Variants in GARRE1 observed in about 807,000 individuals in gnomAD.
GARRE1 encodes the protein granule associated Rac and RHOG effector protein 1.
Under a neutral mutation model 103.2 loss-of-function variants are expected in GARRE1, and 49 were observed. That is an observed-to-expected ratio of 0.47 (90% CI 0.38 to 0.60). The LOEUF is 0.60. Ranked by LOEUF, GARRE1 falls within the 20% of genes least tolerant of loss-of-function variation. The probability of loss-of-function intolerance (pLI) is 0.00; values close to 1 mark genes in which losing one functional copy is unlikely to be tolerated. For synonymous variants in GARRE1, 505 were observed against 532.8 expected, an observed-to-expected ratio of 0.95 and a Z score of 0.72; for missense variants, 1,199 against 1,370.5, an observed-to-expected ratio of 0.87 and a Z score of 1.98.
chr19:34,323,911 C>T (rs1276840123), intron 3 of GARRE1, among the ~76,000 whole-genome samples: 2 of 152,186 alleles, frequency 1.3e-5, no homozygotes, highest in Admixed American at 6.5e-5. Flanking sequence ...CCAGTGATGC[C>T]ACCCCCTACT....
rs2074015920 is a variant in GARRE1 at position 34,307,734 on chromosome 19, AC to A, written c.495+6767del. Reference sequence around the variant, plus strand: ...ATATATATACTATATATACATATATACTTATATATACTATATATACATATAT... The same window carrying A: ...ATATATATACTATATATACATATATATTATATATACTATATATACATATAT... On this transcript the variant is annotated intron_variant, in intron 2 of 13. Transcript: ENST00000299505. Among the ~76,000 whole-genome samples, 28 of 134,118 alleles carry A rather than the reference AC, an allele frequency of 2.1e-4. No individual in the cohort carries two copies. In the Admixed American group the frequency reaches 2.1e-3, roughly 10 times the overall value. The allele number at this position is 134,118 out of a possible 152,430, so 88.0% of individuals were successfully genotyped here.
At chr19:34,311,754 G>A (rs1394881745) in intron 2 of GARRE1, among the ~76,000 whole-genome samples, 1 of 152,084 alleles carries the variant, frequency 6.6e-6, no homozygotes, top group Admixed American at 6.5e-5. Context: ...GGGATTACAG[G>A]CGTGTGCCAC....
In GARRE1 at chr19:34,300,749, T is replaced by C; in HGVS notation, c.276T>C (p.Arg92=). 1 of 1,614,248 alleles carries C rather than the reference T, an allele frequency of 6.2e-7. No homozygotes were observed. Residue 92 remains arginine (R), a synonymous_variant, in exon 2 of 14, where the codon CGT becomes CGC. Transcript: ENST00000299505. ...TGGATGCCCTGAACGTCTTCTGCCG[T>C]GCCAGTACTTTCCTCACAGATCTCT... The part of the protein sequence containing the change: ...KYLDALNVFC[R]ASTFLTDLFS...
At chr19:34,286,837 A>T (rs2073889964) in intron 1 of GARRE1, among the ~76,000 whole-genome samples, 1 of 152,116 alleles carries the variant, frequency 6.6e-6, no homozygotes, top group South Asian at 2.1e-4. Context: ...TATTGGTGAG[A>T]ATCCCTGAGT....
intron 10 of GARRE1, among the ~76,000 whole-genome samples, chr19:34,344,337 T>C (rs1478327728): frequency 6.6e-6 from 1 of 152,060 alleles, no homozygotes; most frequent in Non-Finnish European, 1.5e-5. Context: ...ACGCCTGTAA[T>C]CCCAGCACTT....
intron 8 of GARRE1, among the ~76,000 whole-genome samples, chr19:34,338,646 C>T (rs912363736): frequency 1.3e-5 from 2 of 152,088 alleles, no homozygotes; most frequent in African/African-American, 4.8e-5. Flanking sequence ...GAAATTCGGG[C>T]AAAGGCAGCA....
At chr19:34,350,513 C>T (rs773993574) in intron 12 of GARRE1, among the ~76,000 whole-genome samples, 3 of 152,198 alleles carry the variant, frequency 2.0e-5, no homozygotes, top group East Asian at 1.9e-4. Flanking sequence ...TTGTAACAGA[C>T]TTTCATGTGA....
chr19:34,264,908 C>T (rs767242041), intron 1 of GARRE1, among the ~76,000 whole-genome samples: 6 of 152,098 alleles, frequency 3.9e-5, no homozygotes, highest in Non-Finnish European at 7.4e-5. Flanking sequence ...GTTCTTGACG[C>T]AGGCCTCTAC....
intron 2 of GARRE1, among the ~76,000 whole-genome samples, chr19:34,309,681 T>C (rs1417464503): frequency 6.6e-6 from 1 of 152,158 alleles, no homozygotes; most frequent in African/African-American, 2.4e-5. Context: ...GGGCTTGTTA[T>C]GTTCTGCTTT....
Position 34,327,491 on chromosome 19 carries a change from G to A in GARRE1, c.776G>A (p.Cys259Tyr). Residue 259 changes from cysteine (C) to tyrosine (Y), a missense_variant, in exon 4 of 14, where the codon TGT becomes TAT. Transcript: ENST00000299505. ...LAGIEVQQLF[C>Y]SQSAAIPEHQ... Reference sequence around the variant, plus strand: ...GGAATTGAAGTTCAACAACTCTTTTGTTCTCAAAGTGCAGCAATTCCTGAG... The same window carrying A: ...GGAATTGAAGTTCAACAACTCTTTTATTCTCAAAGTGCAGCAATTCCTGAG... 1 of 1,614,088 alleles carries A rather than the reference G, an allele frequency of 6.2e-7. No homozygotes were observed. Among genetic ancestry groups the A allele is most frequent in the Non-Finnish European group, 8.5e-7 (1 of 1,179,976 alleles).
chr19:34,310,405 G>T (rs1398058217), intron 2 of GARRE1, among the ~76,000 whole-genome samples: 3 of 152,254 alleles, frequency 2.0e-5, no homozygotes, highest in Non-Finnish European at 4.4e-5. Context: ...GGCCAGTGCA[G>T]TCTAGTGCAG....
intron 1 of GARRE1, among the ~76,000 whole-genome samples, chr19:34,269,303 G>C (rs1358159741): frequency 6.6e-6 from 1 of 152,178 alleles, no homozygotes; most frequent in African/African-American, 2.4e-5. Flanking sequence ...TGCTGCATCT[G>C]TCTCCTTTCC....
At position 34,341,448 on chromosome 19, in the gene GARRE1, T is replaced by C; in HGVS notation, c.1514T>C (p.Ile505Thr). 1 of 1,613,904 alleles carries C rather than the reference T, an allele frequency of 6.2e-7. No individual in the cohort carries two copies. Among genetic ancestry groups the C allele is most frequent in the Non-Finnish European group, 8.5e-7 (1 of 1,179,964 alleles). Residue 505 changes from isoleucine to threonine, a missense_variant, in exon 10 of 14, where the codon ATC becomes ACC. Coordinates refer to ENST00000299505, the MANE Select transcript of GARRE1 (RefSeq NM_014686.5). Reference sequence around the variant, plus strand: ...GAGCAAGCTTTACCCTGCATACAGATCCAGCTGCAAAGGGAGATCTGTGAT... The same window carrying C: ...GAGCAAGCTTTACCCTGCATACAGACCCAGCTGCAAAGGGAGATCTGTGAT... ...GREQALPCIQ[I>T]QLQREICDFG...
chr19:34,297,158 C>T lies in GARRE1; in HGVS notation c.-795-2521C>T, dbSNP rs561180347. 4.6e-5 allele frequency among the ~76,000 whole-genome samples: 7 copies of T among 152,094 alleles called. No individual in the cohort carries two copies. The East Asian group carries it at 7.8e-4, about 17-fold the overall frequency. On this transcript the variant is annotated intron_variant, in intron 1 of 13. Transcript: ENST00000299505. The stretch of plus-strand genomic sequence containing the variant: ...AAAAAATTAGCCAGGCACTGTGACG[C>T]GCACCTGTAATCCCAGCTACTTGGG...
At chr19:34,333,367 C>G in intron 7 of GARRE1, among the ~76,000 whole-genome samples, 1 of 152,198 alleles carries the variant, frequency 6.6e-6, no homozygotes, top group East Asian at 1.9e-4. Context: ...GACACTTTTA[C>G]TTCTTTTAAG....
chr19:34,351,214 T>A lies in GARRE1; in HGVS notation c.2826-300T>A, dbSNP rs866153173. Among the ~76,000 whole-genome samples, 1,005 of 136,036 alleles carry A rather than the reference T, an allele frequency of 7.4e-3. 7 individuals carry two copies. The highest frequency in any genetic ancestry group is 0.012 in the Non-Finnish European group (756 of 61,062). 89.2% of individuals were successfully genotyped at this position (136,036 alleles called of 152,430 possible). A position where few individuals can be genotyped will look rare whatever the true frequency, so the allele number is the denominator to read the frequency against. On this transcript the variant is annotated intron_variant, in intron 12 of 13. Coordinates refer to ENST00000299505, the MANE Select transcript of GARRE1 (RefSeq NM_014686.5). ...TCAGTCTCAAAAAAAAAAAAAAAAA[T>A]AAAATAATAATAATAATAATAATAA...
In GARRE1 at chr19:34,353,891, G is replaced by C. The variant is rs1344110757; in HGVS notation, c.*936G>C. On this transcript the variant is annotated 3_prime_UTR_variant, in exon 14 of 14. Coordinates refer to ENST00000299505, the MANE Select transcript of GARRE1 (RefSeq NM_014686.5). The stretch of plus-strand genomic sequence containing the variant: ...CTGGCTCAGAAGACAAACCAATTAA[G>C]ATGTAGATAGAAATTAATTTAAGGT... 6.6e-6 allele frequency: 1 copy of C among 152,468 alleles called. No individual in the cohort carries two copies. The highest frequency in any genetic ancestry group is 1.5e-5 in the Non-Finnish European group (1 of 68,018). 9.4% of individuals were successfully genotyped at this position (152,468 alleles called of 1,614,324 possible). A position where few individuals can be genotyped will look rare whatever the true frequency, so the allele number is the denominator to read the frequency against.
At chr19:34,324,503 C>CT (rs397859412) in intron 3 of GARRE1, among the ~76,000 whole-genome samples, 597 of 135,446 alleles carry the variant, frequency 4.4e-3, no homozygotes, top group South Asian at 6.0e-3. Context: ...CACCAGTGCA[C>CT]TTTTTTTTTT....
At chr19:34,287,007 C>T (rs112203953) in intron 1 of GARRE1, among the ~76,000 whole-genome samples, 4,682 of 151,596 alleles carry the variant, frequency 0.031, 237 homozygotes, top group African/African-American at 0.11. Flanking sequence ...GGCATGGTGG[C>T]GGGCGCCTGT....
Sources: gnomAD v4.1 joint callset for allele counts (sites outside exome capture counted in the v4.1 genomes callset) on GRCh38, gnomAD v4.1.1 for gene constraint, MANE v1.5 for transcripts, NCBI Gene and HGNC (gene_info 2026-07-23, HGNC 2026-07-21) for gene names.